GULP1: variants seen among roughly 807,000 people sequenced by gnomAD.
GULP1 encodes GULP PTB domain containing engulfment adaptor 1, also known as PTB domain-containing engulfment adapter protein 1.
In GULP1, 19 loss-of-function variants were observed where a neutral mutation model predicts 40.9. That is an observed-to-expected ratio of 0.46 (90% CI 0.32 to 0.68). The LOEUF (loss-of-function observed/expected upper bound fraction) is 0.68. Among genes scored for constraint, GULP1 ranks in the 30% least tolerant of loss-of-function variants. The probability of loss-of-function intolerance (pLI) is 0.03; values close to 1 mark genes in which losing one functional copy is unlikely to be tolerated. For synonymous variants in GULP1, 119 were observed against 117.6 expected, an observed-to-expected ratio of 1.01 and a Z score of -0.08; for missense variants, 312 against 362.2, an observed-to-expected ratio of 0.86 and a Z score of 1.12.
chr2:188,360,219 A>G (rs1314838070), intron 1 of GULP1, among the ~76,000 whole-genome samples: 1 of 152,046 alleles, frequency 6.6e-6, no homozygotes, highest in Non-Finnish European at 1.5e-5. Flanking sequence ...TCATGACTAA[A>G]ACGAATGCAT....
intron 9 of GULP1, among the ~76,000 whole-genome samples, chr2:188,577,154 T>C (rs1027261855): frequency 6.6e-6 from 1 of 152,118 alleles, no homozygotes; most frequent in African/African-American, 2.4e-5. Flanking sequence ...TAGGGAATAC[T>C]GGATTCTATT....
intron 1 of GULP1, among the ~76,000 whole-genome samples, chr2:188,303,776 GT>G (rs2036555210): frequency 6.6e-6 from 1 of 152,134 alleles, no homozygotes; most frequent in African/African-American, 2.4e-5. Flanking sequence ...GTGCATATTA[GT>G]TTTTTTGCAT....
At chr2:188,449,330 G>A (rs970323492) in intron 2 of GULP1, among the ~76,000 whole-genome samples, 2 of 152,096 alleles carry the variant, frequency 1.3e-5, no homozygotes, top group Non-Finnish European at 2.9e-5. Flanking sequence ...AGTGGGTTCT[G>A]TTTTACTATT....
At chr2:188,480,255 A>G (rs1346609646) in intron 3 of GULP1, among the ~76,000 whole-genome samples, 1 of 152,060 alleles carries the variant, frequency 6.6e-6, no homozygotes, top group Non-Finnish European at 1.5e-5. Flanking sequence ...TATTTTATTT[A>G]AGTCACGTTT....
At chr2:188,364,618 A>C (rs1022176840) in intron 1 of GULP1, among the ~76,000 whole-genome samples, 1 of 151,806 alleles carries the variant, frequency 6.6e-6, no homozygotes, top group African/African-American at 2.4e-5. Flanking sequence ...GTTTTTTATC[A>C]AAGAGGGGAG....
At chr2:188,554,783 T>G (rs1351911609) in intron 7 of GULP1, among the ~76,000 whole-genome samples, 2 of 152,088 alleles carry the variant, frequency 1.3e-5, no homozygotes, top group Non-Finnish European at 2.9e-5. Flanking sequence ...TCTCTTTAGA[T>G]CTAGAAATAT....
chr2:188,490,119 A>T lies in GULP1; in HGVS notation c.90+6627A>T, dbSNP rs553902743. ...TACTATAGTATCATTTTATTTTTTT[A>T]AAAAAGGCAGTATATGTGTTATGGA... On this transcript the variant is annotated intron_variant, in intron 4 of 11. Transcript: ENST00000409830. Among the ~76,000 whole-genome samples the T allele has an allele frequency of 3.9e-5, 6 of 152,172 alleles. No individual in the cohort carries two copies. The South Asian group carries it at 1.0e-3, about 26-fold the overall frequency.
At chr2:188,568,882 TA>T (rs1698413957) in intron 7 of GULP1, among the ~76,000 whole-genome samples, 2 of 152,116 alleles carry the variant, frequency 1.3e-5, no homozygotes, top group African/African-American at 4.8e-5. Flanking sequence ...TTTCATTTCA[TA>T]GGCACTAAAT....
chr2:188,357,837 A>T (rs560983521), intron 1 of GULP1, among the ~76,000 whole-genome samples: 99 of 152,304 alleles, frequency 6.5e-4, no homozygotes, highest in African/African-American at 2.3e-3. Flanking sequence ...ATGAGTGGAT[A>T]AAGAAAATTT....
At chr2:188,333,358 G>C (rs2041872801) in intron 1 of GULP1, among the ~76,000 whole-genome samples, 1 of 152,088 alleles carries the variant, frequency 6.6e-6, no homozygotes, top group African/African-American at 2.4e-5. Context: ...TTATTAAGGG[G>C]TTGAAAATAG....
intron 1 of GULP1, among the ~76,000 whole-genome samples, chr2:188,315,513 A>G (rs1211302805): frequency 6.6e-6 from 1 of 151,990 alleles, no homozygotes; most frequent in Non-Finnish European, 1.5e-5. Flanking sequence ...TTTGTTTCAG[A>G]CCTTTGAATT....
chr2:188,542,458 T>A (rs1690775270), intron 7 of GULP1, among the ~76,000 whole-genome samples: 1 of 152,174 alleles, frequency 6.6e-6, no homozygotes, highest in Non-Finnish European at 1.5e-5. Flanking sequence ...AGGTGCTCAA[T>A]GAAACATTCC....
chr2:188,433,597 C>G (rs180917078), intron 2 of GULP1, among the ~76,000 whole-genome samples: 29 of 152,222 alleles, frequency 1.9e-4, no homozygotes, highest in African/African-American at 5.8e-4. Context: ...AGAAGAATCT[C>G]TCAGTCGAGG....
At chr2:188,362,745 C>G (rs1192571511) in intron 1 of GULP1, among the ~76,000 whole-genome samples, 1 of 107,836 alleles carries the variant, frequency 9.3e-6, no homozygotes. Flanking sequence ...GGTGTAGATC[C>G]TTTCCATTTT....
intron 7 of GULP1, among the ~76,000 whole-genome samples, chr2:188,556,571 T>C (rs1694815456): frequency 6.6e-6 from 1 of 152,174 alleles, no homozygotes; most frequent in Non-Finnish European, 1.5e-5. Context: ...CTACTGGAGA[T>C]CTTAATTTAC....
At chr2:188,462,687 T>A (rs1350305500) in intron 2 of GULP1, among the ~76,000 whole-genome samples, 1 of 152,166 alleles carries the variant, frequency 6.6e-6, no homozygotes. Flanking sequence ...TTGTCTTTTC[T>A]TACAGTTTCT....
At chr2:188,439,790 TG>T (rs370258821) in intron 2 of GULP1, among the ~76,000 whole-genome samples, 377 of 152,150 alleles carry the variant, frequency 2.5e-3, no homozygotes, top group African/African-American at 8.1e-3. Flanking sequence ...CTTTTCATCA[TG>T]AAAAAAATCA....
At chr2:188,509,834 A>C (rs1475874562) in intron 4 of GULP1, among the ~76,000 whole-genome samples, 1 of 152,098 alleles carries the variant, frequency 6.6e-6, no homozygotes, top group Admixed American at 6.6e-5. Flanking sequence ...AGAACCTGTA[A>C]GAAAAATAAG....
chr2:188,342,034 A>T (rs2043040196), intron 1 of GULP1, among the ~76,000 whole-genome samples: 1 of 152,222 alleles, frequency 6.6e-6, no homozygotes, highest in African/African-American at 2.4e-5. Flanking sequence ...TTATTATAAC[A>T]GTCCTAAAAG....
Sources: gnomAD v4.1 joint callset for allele counts (sites outside exome capture counted in the v4.1 genomes callset) on GRCh38, gnomAD v4.1.1 for gene constraint, MANE v1.5 for transcripts, NCBI Gene and HGNC (gene_info 2026-07-23, HGNC 2026-07-21) for gene names.